The following SNAPC1 variants were observed in gnomAD, a reference collection of about 807,000 sequenced individuals.
SNAPC1 encodes snRNA-activating protein complex subunit 1.
A neutral mutation model predicts 50.1 loss-of-function variants in SNAPC1; 42 were observed. The ratio of observed to expected loss-of-function variants is 0.84; its 90% CI spans 0.65 to 1.08. The LOEUF (loss-of-function observed/expected upper bound fraction) is 1.08. SNAPC1 is among the 50% of genes least tolerant of loss of function. SNAPC1 has a pLI of 0.00. For synonymous variants in SNAPC1, 164 were observed against 144.2 expected, an observed-to-expected ratio of 1.14 and a Z score of -0.98; for missense variants, 477 against 427.3, an observed-to-expected ratio of 1.12 and a Z score of -1.02.
At chr14:61,774,228 CT>C (rs566297790) in intron 4 of SNAPC1, among the ~76,000 whole-genome samples, 130 of 146,954 alleles carry the variant, frequency 8.8e-4, no homozygotes, top group African/African-American at 3.3e-3. Context: ...CCTTGAATTC[CT>C]GGGCTCAAGC....
At position 61,776,175 on chromosome 14, in the gene SNAPC1, C is replaced by T. The variant is rs2045034131; in HGVS notation, c.615C>T (p.Leu205=). The T allele has an allele frequency of 3.1e-6, 5 of 1,611,702 alleles. No individual in the cohort carries two copies. Among genetic ancestry groups the T allele is most frequent in the Middle Eastern group, 1.7e-4 (1 of 6,032 alleles). The part of the protein sequence containing the change: ...SVDKSKPDKA[L]SLIKDDFFDN... ...ATAAGTCCAAGCCAGATAAAGCCCT[C>T]AGCTTGATAAAGGATGATTTTTTTG... Residue 205 remains leucine, a synonymous_variant, in exon 5 of 10, where the codon CTC becomes CTT. Coordinates refer to ENST00000216294, the MANE Select transcript of SNAPC1 (RefSeq NM_003082.4).
intron 8 of SNAPC1, among the ~76,000 whole-genome samples, chr14:61,787,066 A>G (rs948634948): frequency 6.6e-6 from 1 of 152,262 alleles, no homozygotes; most frequent in African/African-American, 2.4e-5. Flanking sequence ...TTCTATTTAT[A>G]TGACATTCTG....
chr14:61,787,412 A>G (rs2045122441), intron 8 of SNAPC1, among the ~76,000 whole-genome samples: 1 of 150,464 alleles, frequency 6.6e-6, no homozygotes, highest in Admixed American at 6.6e-5. Context: ...TTTTTTAAAG[A>G]AAATGTTCAG....
chr14:61,789,232 A>G (rs1477553060), intron 8 of SNAPC1, among the ~76,000 whole-genome samples: 1 of 98,580 alleles, frequency 1.0e-5, no homozygotes, highest in Non-Finnish European at 2.2e-5. Context: ...CTCCATCTCA[A>G]AAAAAAAAAA....
chr14:61,777,677 T>C (rs2045045145), intron 5 of SNAPC1, among the ~76,000 whole-genome samples: 1 of 151,708 alleles, frequency 6.6e-6, no homozygotes, highest in Non-Finnish European at 1.5e-5. Flanking sequence ...ACTCCTGGCC[T>C]CAAGCGATCC....
At chr14:61,787,948 A>T (rs556520515) in intron 8 of SNAPC1, among the ~76,000 whole-genome samples, 121 of 152,300 alleles carry the variant, frequency 7.9e-4, no homozygotes, top group African/African-American at 2.3e-3. Context: ...TGAAAAAAAA[A>T]TTTTTTAATG....
chr14:61,783,541 T>TTTC (rs1368943086), intron 8 of SNAPC1, among the ~76,000 whole-genome samples: 13 of 145,994 alleles, frequency 8.9e-5, no homozygotes, highest in African/African-American at 3.3e-4. Context: ...TTTTTTTTTT[T>TTTC]TTTTTTTTTC....
At chr14:61,767,079 A>G (rs1380224715) in intron 2 of SNAPC1, 44 bp downstream of exon 2, 2 of 1,306,210 alleles carry the variant, frequency 1.5e-6, no homozygotes, top group Non-Finnish European at 2.1e-6. Flanking sequence ...AATGTAAAAC[A>G]AGTACCATAT....
In SNAPC1 at chr14:61,776,296, C is replaced by T. The variant is rs2028519; in HGVS notation, c.693+43C>T. 3,975 of 1,536,622 alleles carry T rather than the reference C, an allele frequency of 2.6e-3. 68 individuals carry two copies. In the African/African-American group the frequency reaches 0.034, roughly 13 times the overall value. The stretch of plus-strand genomic sequence containing the variant: ...TGGTGCCTCACCATTGTATTTTACA[C>T]GAATGTTTATCCGTGGATGATAATG... On this transcript the variant is annotated intron_variant, in intron 5 of 9. Transcript: ENST00000216294.
At chr14:61,786,319 C>T (rs921444298) in intron 8 of SNAPC1, among the ~76,000 whole-genome samples, 4 of 152,022 alleles carry the variant, frequency 2.6e-5, no homozygotes. Flanking sequence ...CTCAAAGTTA[C>T]AATTTTTGTC....
Position 61,794,983 on chromosome 14 carries a change from A to G in SNAPC1, c.1107A>G (p.Ter369TrpextTer6). 1.3e-6 allele frequency: 2 copies of G among 1,572,264 alleles called. No homozygotes were observed. The highest frequency in any genetic ancestry group is 1.2e-5 in the South Asian group (1 of 84,644). ...CATCCAAGAAGAGGAGAAAACACTG[A>G]ACAAAGAGCCTGGTGTAGTTTTTAA... is the stretch of plus-strand genomic sequence containing the variant. ...FTASKKRRKH[*>W] Residue 369 changes from the stop codon to tryptophan, a stop_lost, in exon 10 of 10, where the codon TGA (stop) becomes TGG (tryptophan). Coordinates refer to ENST00000216294, the MANE Select transcript of SNAPC1 (RefSeq NM_003082.4).
intron 9 of SNAPC1, among the ~76,000 whole-genome samples, chr14:61,794,653 C>T (rs867254449): frequency 1.3e-5 from 2 of 152,082 alleles, no homozygotes; most frequent in South Asian, 2.1e-4. Flanking sequence ...CATGATTCGC[C>T]CACCTTAGCC....
rs979939938 is a variant in SNAPC1 at position 61,768,556 on chromosome 14, T to C, written c.430-80T>C. On this transcript the variant is annotated intron_variant, in intron 3 of 9. Transcript: ENST00000216294. The stretch of plus-strand genomic sequence containing the variant: ...TCTGTGTTTACTTATAGACAATTTT[T>C]AGTGCTGGCTTATATTTCAATACTT... 8.0e-6 allele frequency: 6 copies of C among 754,694 alleles called. No individual in the cohort carries two copies. The Admixed American group carries it at 1.5e-4, about 19-fold the overall frequency. 46.7% of individuals were successfully genotyped at this position (754,694 alleles called of 1,614,324 possible). A position where few individuals can be genotyped will look rare whatever the true frequency, so the allele number is the denominator to read the frequency against.
At chr14:61,777,936 G>GTATATAATTAATCTTAAT (rs2045046638) in intron 5 of SNAPC1, 136 bp from the exon 6 acceptor site, 1 of 517,576 alleles carries the variant, frequency 1.9e-6, no homozygotes, top group African/African-American at 2.0e-5. Context: ...AATGTTAGGT[G>GTATATAATTAATCTTAAT]GTATATAATG....
At chr14:61,787,122 C>T (rs1365227884) in intron 8 of SNAPC1, among the ~76,000 whole-genome samples, 2 of 152,142 alleles carry the variant, frequency 1.3e-5, no homozygotes, top group African/African-American at 2.4e-5. Flanking sequence ...TTGGTTGCTA[C>T]GGACTTAGGG....
At chr14:61,782,596 G>A (rs532660346) in intron 8 of SNAPC1, among the ~76,000 whole-genome samples, 199 bp downstream of exon 8, 7 of 152,270 alleles carry the variant, frequency 4.6e-5, no homozygotes, top group South Asian at 2.1e-4. Context: ...CATATCAAAT[G>A]TATCGTTTTA....
intron 4 of SNAPC1, among the ~76,000 whole-genome samples, chr14:61,772,802 G>T (rs2045002614): frequency 6.6e-6 from 1 of 152,184 alleles, no homozygotes; most frequent in African/African-American, 2.4e-5. Context: ...TGGGGTTGAT[G>T]AACAAAGGTC....
Position 61,795,830 on chromosome 14 carries a change from T to C in SNAPC1, c.*847T>C, listed in dbSNP as rs2140189121. ...TTGAATTGCTGCCAATAGCAGACCATATCCCTATCATGTTGTTGGCTCAAC... is the reference window on the plus strand; with the variant it reads ...TTGAATTGCTGCCAATAGCAGACCACATCCCTATCATGTTGTTGGCTCAAC... On this transcript the variant is annotated 3_prime_UTR_variant, in exon 10 of 10. Transcript: ENST00000216294. The C allele has an allele frequency of 6.6e-6, 1 of 151,818 alleles. No individual in the cohort carries two copies. The highest frequency in any genetic ancestry group is 1.9e-4 in the East Asian group (1 of 5,164). 9.4% of individuals were successfully genotyped at this position (151,818 alleles called of 1,614,324 possible). A position where few individuals can be genotyped will look rare whatever the true frequency, so the allele number is the denominator to read the frequency against.
intron 8 of SNAPC1, among the ~76,000 whole-genome samples, chr14:61,792,549 T>G (rs1290778484): frequency 1.3e-5 from 2 of 152,230 alleles, no homozygotes; most frequent in Non-Finnish European, 2.9e-5. Context: ...TATTTGTGTT[T>G]GGCTAATTTT....
Sources: gnomAD v4.1 joint callset for allele counts (sites outside exome capture counted in the v4.1 genomes callset) on GRCh38, gnomAD v4.1.1 for gene constraint, MANE v1.5 for transcripts, NCBI Gene and HGNC (gene_info 2026-07-23, HGNC 2026-07-21) for gene names.